CSMD1: variants seen among roughly 807,000 people sequenced by gnomAD.
The protein encoded by CSMD1 is CUB and Sushi multiple domains 1, also known as CUB and sushi domain-containing protein 1.
In CSMD1, 213 loss-of-function variants were observed where a neutral mutation model predicts 417.5. The ratio of observed to expected loss-of-function variants is 0.51; its 90% CI spans 0.46 to 0.57. CSMD1 has a LOEUF of 0.57. Among genes scored for constraint, CSMD1 ranks in the 20% least tolerant of loss-of-function variants. The pLI is 0.00. For synonymous variants in CSMD1, 2,862 were observed against 1,736.8 expected (o/e 1.65, Z -16.11); for missense variants, 6,923 against 4,529.7 (o/e 1.53, Z -15.17).
chr8:4,146,019 A>T (rs562727312), intron 3 of CSMD1, among the ~76,000 whole-genome samples: 1 of 150,956 alleles, frequency 6.6e-6, no homozygotes, highest in South Asian at 2.1e-4. Flanking sequence ...GGTATTCAAA[A>T]AAAATCTGTT....
chr8:3,060,349 T>C (rs1812511999), intron 49 of CSMD1, among the ~76,000 whole-genome samples: 1 of 152,036 alleles, frequency 6.6e-6, no homozygotes. Flanking sequence ...TTTCACCATG[T>C]TGGCCAGACT....
intron 26 of CSMD1, among the ~76,000 whole-genome samples, chr8:3,242,910 T>C (rs1000493364): frequency 6.6e-6 from 1 of 151,824 alleles, no homozygotes; most frequent in South Asian, 2.1e-4. Context: ...AAGGCAGGCG[T>C]CCCTGAGTGG....
intron 3 of CSMD1, among the ~76,000 whole-genome samples, chr8:4,091,749 T>A (rs1434188614): frequency 6.6e-6 from 1 of 152,218 alleles, no homozygotes; most frequent in African/African-American, 2.4e-5. Flanking sequence ...TATAAATGTA[T>A]CCTGTATTTA....
chr8:4,185,747 T>G (rs1375015921), intron 3 of CSMD1, among the ~76,000 whole-genome samples: 1 of 152,178 alleles, frequency 6.6e-6, no homozygotes, highest in African/African-American at 2.4e-5. Flanking sequence ...TGAAGAGCTA[T>G]CATTTTGAGA....
intron 1 of CSMD1, among the ~76,000 whole-genome samples, chr8:4,899,514 C>G (rs1804725231): frequency 6.6e-6 from 1 of 152,066 alleles, no homozygotes; most frequent in Admixed American, 6.5e-5. Context: ...CATTGTCTCA[C>G]AAAATAAGAA....
At chr8:4,086,413 T>A (rs2912284) in intron 3 of CSMD1, among the ~76,000 whole-genome samples, 1 of 152,004 alleles carries the variant, frequency 6.6e-6, no homozygotes, top group South Asian at 2.1e-4. Context: ...TTGTAAATCA[T>A]TTTGAAAATC....
In CSMD1 at chr8:4,174,548, G is replaced by C. The variant is rs1328919287; in HGVS notation, c.416-142449C>G. 8.0e-5 allele frequency among the ~76,000 whole-genome samples: 12 copies of C among 150,840 alleles called. No individual in the cohort carries two copies. The East Asian group carries it at 1.8e-3, about 23-fold the overall frequency. On this transcript the variant is annotated intron_variant, in intron 3 of 69. Coordinates refer to ENST00000635120, the MANE Select transcript of CSMD1 (RefSeq NM_033225.6). ...CCATGTCCACCCACCTCTCAAAAGA[G>C]ATGTTTTTATAAATACTGCATGCAC...
intron 5 of CSMD1, among the ~76,000 whole-genome samples, chr8:3,937,948 A>G (rs1324022355): frequency 6.6e-6 from 1 of 152,168 alleles, no homozygotes; most frequent in Non-Finnish European, 1.5e-5. Flanking sequence ...TTAGTTACAT[A>G]CTAACTTACG....
chr8:4,174,125 G>C (rs899570726), intron 3 of CSMD1, among the ~76,000 whole-genome samples: 1 of 152,070 alleles, frequency 6.6e-6, no homozygotes, highest in African/African-American at 2.4e-5. Flanking sequence ...GGCAAGCCTG[G>C]AAAGGGAGGG....
chr8:4,096,448 C>T (rs149560771), intron 3 of CSMD1, among the ~76,000 whole-genome samples: 2 of 152,174 alleles, frequency 1.3e-5, no homozygotes, highest in East Asian at 1.9e-4. Context: ...CAGATGATCC[C>T]CATCTAAAAT....
rs181994857 is a variant in CSMD1, at chr8:4,698,043, G to C, written c.86-60485C>G. On this transcript the variant is annotated intron_variant, in intron 1 of 69. Transcript: ENST00000635120. Reference sequence around the variant, plus strand: ...ATAGAGAAATAAGATTATATAATTGGAAGGGTTCATCAAAATATTAAGTGA... The same window carrying C: ...ATAGAGAAATAAGATTATATAATTGCAAGGGTTCATCAAAATATTAAGTGA... Among the ~76,000 whole-genome samples, 1,062 of 151,886 alleles carry C rather than the reference G, an allele frequency of 7.0e-3. 13 individuals are homozygous for C. The highest frequency in any genetic ancestry group is 0.028 in the Middle Eastern group (8 of 286).
intron 3 of CSMD1, among the ~76,000 whole-genome samples, chr8:4,112,933 C>A (rs1359438595): frequency 6.6e-6 from 1 of 152,208 alleles, no homozygotes; most frequent in African/African-American, 2.4e-5. Context: ...TAAGTGCTCA[C>A]TTCATCCTTT....
At chr8:3,394,056 A>ATATATATG (rs1491514580) in intron 17 of CSMD1, among the ~76,000 whole-genome samples, 2 of 119,984 alleles carry the variant, frequency 1.7e-5, no homozygotes, top group African/African-American at 5.7e-5. Flanking sequence ...ATATATATAT[A>ATATATATG]GAAAAAAAGA....
chr8:4,144,000 C>A lies in CSMD1; in HGVS notation c.416-111901G>T, dbSNP rs528015496. Reference sequence around the variant, plus strand: ...GCACTCTCCCTTTCCATCTGAGACACGGTGGAAGGAGGAGGGCTATAGAGA... The same window carrying A: ...GCACTCTCCCTTTCCATCTGAGACAAGGTGGAAGGAGGAGGGCTATAGAGA... On this transcript the variant is annotated intron_variant, in intron 3 of 69. Coordinates refer to ENST00000635120, the MANE Select transcript of CSMD1 (RefSeq NM_033225.6). Among the ~76,000 whole-genome samples the A allele has an allele frequency of 7.3e-5, 11 of 151,300 alleles. 1 individual carries two copies. Among genetic ancestry groups the A allele is most frequent in the African/African-American group, 2.5e-4 (10 of 40,638 alleles).
chr8:3,463,469 G>A (rs747116135), intron 12 of CSMD1, among the ~76,000 whole-genome samples: 27 of 152,310 alleles, frequency 1.8e-4, no homozygotes, highest in Non-Finnish European at 3.5e-4. Context: ...AAGGTTATTT[G>A]AAGCCACGTC....
intron 6 of CSMD1, among the ~76,000 whole-genome samples, chr8:3,715,707 T>C (rs1410831006): frequency 1.4e-4 from 21 of 152,006 alleles, no homozygotes. Flanking sequence ...CAAACCCACC[T>C]ATTTTTTGTA....
intron 1 of CSMD1, among the ~76,000 whole-genome samples, chr8:4,751,403 G>C (rs908666597): frequency 2.0e-5 from 3 of 151,832 alleles, no homozygotes; most frequent in African/African-American, 4.8e-5. Context: ...GGGGGGTGGC[G>C]GGGCAGGAAA....
chr8:4,003,697 G>A (rs184224999), intron 4 of CSMD1, among the ~76,000 whole-genome samples: 1 of 152,198 alleles, frequency 6.6e-6, no homozygotes. Context: ...ATATCAACAT[G>A]CATTAACACA....
chr8:4,530,244 T>C lies in CSMD1; in HGVS notation c.302+107098A>G, dbSNP rs543101665. Among the ~76,000 whole-genome samples the C allele has an allele frequency of 4.5e-4, 67 of 150,372 alleles. 1 individual carries two copies. The South Asian group carries it at 0.014, about 32-fold the overall frequency. Reference sequence around the variant, plus strand: ...TGTTATTTGTGACTGCATACCATGCTCCATTTTGTGTCTTCATCATCCGGA... The same window carrying C: ...TGTTATTTGTGACTGCATACCATGCCCCATTTTGTGTCTTCATCATCCGGA... On this transcript the variant is annotated intron_variant, in intron 2 of 69. Coordinates refer to ENST00000635120, the MANE Select transcript of CSMD1 (RefSeq NM_033225.6).
Sources: gnomAD v4.1 joint callset for allele counts (sites outside exome capture counted in the v4.1 genomes callset) on GRCh38, gnomAD v4.1.1 for gene constraint, MANE v1.5 for transcripts, NCBI Gene and HGNC (gene_info 2026-07-23, HGNC 2026-07-21) for gene names.